Variants in LIPI observed in about 807,000 individuals in gnomAD.
The protein encoded by LIPI is lipase member I.
In LIPI, 59 loss-of-function variants were observed where a neutral mutation model predicts 50.6. That is an observed-to-expected ratio of 1.16 (90% CI 0.94 to 1.45). LIPI has a LOEUF of 1.45. LIPI is among the 40% of genes most tolerant of loss of function. The pLI is 0.00. For missense variants in LIPI, 586 were observed against 536.3 expected, an observed-to-expected ratio of 1.09 and a Z score of -0.92; for synonymous variants, 203 against 178.2, an observed-to-expected ratio of 1.14 and a Z score of -1.11.
intron 6 of LIPI, among the ~76,000 whole-genome samples, chr21:14,164,100 A>C (rs1285262026): frequency 6.6e-6 from 1 of 151,044 alleles, no homozygotes; most frequent in African/African-American, 2.4e-5. Context: ...TATATTGATA[A>C]AAATTACTTA....
chr21:14,126,480 G>A (rs967989283), intron 9 of LIPI, among the ~76,000 whole-genome samples: 1 of 152,038 alleles, frequency 6.6e-6, no homozygotes, highest in African/African-American at 2.4e-5. Context: ...CTGTATCTAT[G>A]GATTCTACAT....
At chr21:14,125,845 G>A (rs541009443) in intron 9 of LIPI, among the ~76,000 whole-genome samples, 7 of 152,178 alleles carry the variant, frequency 4.6e-5, no homozygotes, top group East Asian at 1.9e-4. Context: ...GTGAGCCACC[G>A]CGCCAGGCCA....
At chr21:14,203,547 AG>A (rs2020133770) in intron 1 of LIPI, among the ~76,000 whole-genome samples, 2 of 152,090 alleles carry the variant, frequency 1.3e-5, no homozygotes, top group African/African-American at 2.4e-5. Context: ...ACATGGATGA[AG>A]CTGGAAACCA....
chr21:14,180,322 C>A (rs1467151342), intron 4 of LIPI, among the ~76,000 whole-genome samples: 2 of 152,212 alleles, frequency 1.3e-5, no homozygotes, highest in Admixed American at 1.3e-4. Flanking sequence ...ATCTTTGTAC[C>A]TACTCCCTGT....
intron 7 of LIPI, 144 bp from the exon 8 acceptor site, chr21:14,152,828 G>A (rs1226336728): frequency 7.6e-6 from 4 of 526,200 alleles, no homozygotes; most frequent in South Asian, 2.9e-5. Flanking sequence ...TTATTGAGAG[G>A]ACTCATTTGG....
At chr21:14,207,362 T>G (rs2020253524) in intron 1 of LIPI, among the ~76,000 whole-genome samples, 1 of 152,178 alleles carries the variant, frequency 6.6e-6, no homozygotes, top group South Asian at 2.1e-4. Flanking sequence ...ACTAATTACT[T>G]TGATATGATC....
At chr21:14,136,397 T>C (rs1272775042) in intron 9 of LIPI, among the ~76,000 whole-genome samples, 1 of 152,118 alleles carries the variant, frequency 6.6e-6, no homozygotes, top group Non-Finnish European at 1.5e-5. Context: ...TAAGAGAAAT[T>C]GGGACTTAAG....
chr21:14,140,900 CCAAG>C (rs1240483959), intron 9 of LIPI, among the ~76,000 whole-genome samples: 1 of 152,112 alleles, frequency 6.6e-6, no homozygotes, highest in Non-Finnish European at 1.5e-5. Flanking sequence ...TTAGGAACAA[CCAAG>C]CAACATCTAC....
At chr21:14,161,743 AT>A (rs1368097461) in intron 7 of LIPI, among the ~76,000 whole-genome samples, 21 of 77,234 alleles carry the variant, frequency 2.7e-4, no homozygotes, top group East Asian at 3.6e-4. Context: ...ATTATTATAT[AT>A]TAATATATAA....
intron 9 of LIPI, among the ~76,000 whole-genome samples, chr21:14,143,357 A>G (rs207477747): frequency 6.6e-6 from 1 of 152,194 alleles, no homozygotes; most frequent in Non-Finnish European, 1.5e-5. Context: ...GATTTTTGCC[A>G]TTATAGCAAC....
rs150898312 is a variant in LIPI, at chr21:14,191,474, A to G, written c.47-2055T>C. Among the ~76,000 whole-genome samples the G allele has an allele frequency of 3.5e-3, 536 of 152,164 alleles. 3 individuals carry two copies. Among genetic ancestry groups the G allele is most frequent in the African/African-American group, 0.012 (486 of 41,544 alleles). On this transcript the variant is annotated intron_variant, in intron 1 of 9. Transcript: ENST00000681601. ...GAGAAAAGAATATATATGATATGTG[A>G]GCAGTTCTGTACCCTGCCTATTAAA... is the stretch of plus-strand genomic sequence containing the variant.
chr21:14,176,678 TTG>T (rs1568869277), intron 4 of LIPI, among the ~76,000 whole-genome samples: 3 of 103,242 alleles, frequency 2.9e-5, no homozygotes. Flanking sequence ...TTTGAGAATA[TTG>T]TTTTTTTTTC....
intron 1 of LIPI, among the ~76,000 whole-genome samples, chr21:14,190,805 C>G (rs903159052): frequency 3.9e-5 from 6 of 152,094 alleles, no homozygotes; most frequent in African/African-American, 1.4e-4. Context: ...ATCTATACAT[C>G]CACCTTCTCA....
intron 1 of LIPI, among the ~76,000 whole-genome samples, chr21:14,195,571 A>G (rs417044): frequency 0.57 from 86,481 of 151,904 alleles, 25,142 homozygotes; most frequent in African/African-American, 0.66. Flanking sequence ...TAAGGAAAAC[A>G]TTAACAATCT....
intron 9 of LIPI, chr21:14,143,963 A>G (rs2017809748): frequency 1.2e-5 from 2 of 172,296 alleles, no homozygotes; most frequent in South Asian, 3.3e-4. Flanking sequence ...TTTAATAGGA[A>G]TGGGGATATT....
At chr21:14,190,934 A>G (rs1015447510) in intron 1 of LIPI, among the ~76,000 whole-genome samples, 2 of 152,236 alleles carry the variant, frequency 1.3e-5, no homozygotes, top group Admixed American at 6.5e-5. Flanking sequence ...AATGAGGAAT[A>G]AACCAGTAGG....
At chr21:14,206,950 A>G (rs1158585350) in intron 1 of LIPI, 1 of 1,415,554 alleles carries the variant, frequency 7.1e-7, no homozygotes, top group Non-Finnish European at 1.0e-6. Context: ...GAAGTTCACT[A>G]GCTCTTTGTT....
At chr21:14,118,229 C>T (rs1204659727) in intron 9 of LIPI, among the ~76,000 whole-genome samples, 1 of 152,024 alleles carries the variant, frequency 6.6e-6, no homozygotes, top group Non-Finnish European at 1.5e-5. Flanking sequence ...ACAGATCGGG[C>T]TCCATCTCAT....
At position 14,186,081 on chromosome 21, in the gene LIPI, G is replaced by A. The variant is rs758575652; in HGVS notation, c.433-12C>T. 4.3e-6 allele frequency: 6 copies of A among 1,401,120 alleles called. No homozygotes were observed. In the South Asian group the frequency reaches 6.9e-5, roughly 16 times the overall value. 86.8% of individuals were successfully genotyped at this position (1,401,120 alleles called of 1,614,324 possible). A position where few individuals can be genotyped will look rare whatever the true frequency, so the allele number is the denominator to read the frequency against. The stretch of plus-strand genomic sequence containing the variant: ...GATGCACCATGCTTCTGCAATTAAA[G>A]AGAAAGGCAATATTACAGTATTCAT... On this transcript the variant is annotated splice_polypyrimidine_tract_variant and intron_variant, in intron 2 of 9. Coordinates refer to ENST00000681601, the MANE Select transcript of LIPI (RefSeq NM_001302998.2).
Sources: gnomAD v4.1 joint callset for allele counts (sites outside exome capture counted in the v4.1 genomes callset) on GRCh38, gnomAD v4.1.1 for gene constraint, MANE v1.5 for transcripts, NCBI Gene and HGNC (gene_info 2026-07-23, HGNC 2026-07-21) for gene names.